The following SLC24A2 variants were observed in gnomAD, a reference collection of about 807,000 sequenced individuals.
The protein encoded by SLC24A2 is solute carrier family 24 member 2.
SLC24A2 carries 36 observed loss-of-function variants against 62.0 expected under a neutral mutation model. That is an observed-to-expected ratio of 0.58 (90% CI 0.44 to 0.77). SLC24A2 has a LOEUF of 0.77. Ranked by LOEUF, SLC24A2 falls within the 30% of genes least tolerant of loss-of-function variation. The pLI is 0.00. For missense variants in SLC24A2, 846 were observed against 817.9 expected (o/e 1.03, Z -0.42); for synonymous variants, 358 against 294.0 (o/e 1.22, Z -2.23).
At chr9:20,004,606 T>C in the SLC24A2 span, among the ~76,000 whole-genome samples, 1 of 152,248 alleles carries the variant, frequency 6.6e-6, no homozygotes, top group Non-Finnish European at 1.5e-5. Flanking sequence ...ACAGATGTAG[T>C]AAAAATCATT....
the SLC24A2 span, among the ~76,000 whole-genome samples, chr9:20,204,348 T>C: frequency 6.6e-6 from 1 of 152,384 alleles, no homozygotes; most frequent in Non-Finnish European, 1.5e-5. Flanking sequence ...CCACGTCTTC[T>C]GCATAATTTT....
the SLC24A2 span, among the ~76,000 whole-genome samples, chr9:19,837,458 CAAAAAAAAAAAAAAAAAAA>C: frequency 6.6e-3 from 147 of 22,354 alleles, no homozygotes; most frequent in African/African-American, 0.011. Context: ...GACTCCGTCT[CAAAAAAAAAAAAAAAAAAA>C]AAAAAAAAAA....
the SLC24A2 span, among the ~76,000 whole-genome samples, chr9:20,110,326 C>T: frequency 6.6e-6 from 1 of 152,170 alleles, no homozygotes. Flanking sequence ...CTGAAGTTGA[C>T]CCAATTGTGT....
At chr9:20,199,474 T>A in the SLC24A2 span, among the ~76,000 whole-genome samples, 2 of 152,180 alleles carry the variant, frequency 1.3e-5, no homozygotes, top group African/African-American at 2.4e-5. Flanking sequence ...GGTGTCCTAA[T>A]TCTTATTACT....
rs1408997136 is a variant in SLC24A2, at chr9:19,706,465, C to T, written c.930+79472G>A. On this transcript the variant is annotated intron_variant, in intron 2 of 10. Coordinates refer to ENST00000341998, the MANE Select transcript of SLC24A2 (RefSeq NM_020344.4). ...CGCGATCTCGACTCACTGCAAGCTC[C>T]GCCTCCCGGGTTCACGCCATTCTCC... 1.7e-4 allele frequency among the ~76,000 whole-genome samples: 25 copies of T among 151,372 alleles called. 1 individual carries two copies. The highest frequency in any genetic ancestry group is 3.9e-4 in the African/African-American group (16 of 41,188).
the SLC24A2 span, among the ~76,000 whole-genome samples, chr9:20,283,509 G>A: frequency 6.6e-6 from 1 of 152,136 alleles, no homozygotes; most frequent in African/African-American, 2.4e-5. Flanking sequence ...CAGTGGAAGA[G>A]ACTCGAATTA....
chr9:19,904,029 G>C, the SLC24A2 span, among the ~76,000 whole-genome samples: 1 of 152,174 alleles, frequency 6.6e-6, no homozygotes, highest in African/African-American at 2.4e-5. Context: ...GGTCTAATGG[G>C]ACAAGTCATA....
At chr9:19,537,160 C>A (rs543409564) in intron 8 of SLC24A2, among the ~76,000 whole-genome samples, 20 of 149,628 alleles carry the variant, frequency 1.3e-4, no homozygotes, top group African/African-American at 4.7e-4. Flanking sequence ...GTTGCCTGTT[C>A]ACTCTGATGG....
the SLC24A2 span, among the ~76,000 whole-genome samples, chr9:20,214,918 C>A: frequency 6.6e-6 from 1 of 152,212 alleles, no homozygotes. Flanking sequence ...TACAGTCTCA[C>A]TTATTTATAT....
the SLC24A2 span, among the ~76,000 whole-genome samples, chr9:20,162,406 T>G: frequency 6.6e-6 from 1 of 151,836 alleles, no homozygotes; most frequent in Non-Finnish European, 1.5e-5. Context: ...TTGAAACACA[T>G]ACACCCTCCC....
chr9:19,905,333 T>G, the SLC24A2 span, among the ~76,000 whole-genome samples: 1 of 152,150 alleles, frequency 6.6e-6, no homozygotes, highest in Non-Finnish European at 1.5e-5. Flanking sequence ...CAGAGCAACT[T>G]TTCTCTTGTC....
chr9:20,056,409 C>A, the SLC24A2 span, among the ~76,000 whole-genome samples: 1 of 152,146 alleles, frequency 6.6e-6, no homozygotes, highest in African/African-American at 2.4e-5. Flanking sequence ...GATATCATGA[C>A]CATCTGCAAA....
the SLC24A2 span, among the ~76,000 whole-genome samples, chr9:20,140,564 C>T: frequency 6.6e-6 from 1 of 152,104 alleles, no homozygotes; most frequent in East Asian, 1.9e-4. Flanking sequence ...AAATAAGACC[C>T]CCTTATTTCT....
chr9:20,103,062 G>A, the SLC24A2 span, among the ~76,000 whole-genome samples: 1 of 152,346 alleles, frequency 6.6e-6, no homozygotes, highest in African/African-American at 2.4e-5. Context: ...GCCTGGCTTG[G>A]AGTGTCCTAC....
At chr9:19,608,069 T>G (rs1399806997) in intron 4 of SLC24A2, among the ~76,000 whole-genome samples, 1 of 152,234 alleles carries the variant, frequency 6.6e-6, no homozygotes, top group Non-Finnish European at 1.5e-5. Flanking sequence ...TACTGTCATA[T>G]TAGTAGACCA....
chr9:20,180,638 C>T, the SLC24A2 span, among the ~76,000 whole-genome samples: 1 of 151,976 alleles, frequency 6.6e-6, no homozygotes, highest in Non-Finnish European at 1.5e-5. Flanking sequence ...TTCAAGTTTC[C>T]CGATACATTA....
At chr9:19,935,506 T>C in the SLC24A2 span, among the ~76,000 whole-genome samples, 2 of 152,312 alleles carry the variant, frequency 1.3e-5, no homozygotes, top group African/African-American at 4.8e-5. Flanking sequence ...AAAACAAAGC[T>C]GCCACCTGAT....
At chr9:19,828,037 C>A in the SLC24A2 span, among the ~76,000 whole-genome samples, 1 of 152,142 alleles carries the variant, frequency 6.6e-6, no homozygotes, top group African/African-American at 2.4e-5. Context: ...AACAACCCAG[C>A]CTGGTTTTAT....
the SLC24A2 span, among the ~76,000 whole-genome samples, chr9:20,100,600 T>C: frequency 3.3e-5 from 5 of 152,340 alleles, no homozygotes; most frequent in African/African-American, 1.2e-4. Context: ...TTCCAGTATC[T>C]AACACAGTGT....
Sources: allele counts gnomAD v4.1 joint callset (sites outside exome capture counted in the v4.1 genomes callset), GRCh38; gene constraint gnomAD v4.1.1; transcripts MANE v1.5; gene names NCBI Gene and HGNC (gene_info 2026-07-23, HGNC 2026-07-21).